Variants in NAALADL2 observed in about 807,000 individuals in gnomAD.
NAALADL2 encodes inactive N-acetylated-alpha-linked acidic dipeptidase-like protein 2.
A neutral mutation model predicts 87.2 loss-of-function variants in NAALADL2; 76 were observed. That is an observed-to-expected ratio of 0.87 (90% CI 0.72 to 1.05). The LOEUF is 1.05. Among genes scored for constraint, NAALADL2 ranks in the 50% least tolerant of loss-of-function variants. The pLI is 0.00. For missense variants in NAALADL2, 1,089 were observed against 945.8 expected (o/e 1.15, Z -1.99); for synonymous variants, 354 against 331.0 (o/e 1.07, Z -0.75).
intron 5 of NAALADL2, among the ~76,000 whole-genome samples, chr3:175,425,459 A>G (rs1044110484): frequency 6.6e-6 from 1 of 152,158 alleles, no homozygotes; most frequent in African/African-American, 2.4e-5. Context: ...CATCATGAAA[A>G]TACAATATAT....
intron 3 of NAALADL2, among the ~76,000 whole-genome samples, chr3:174,827,173 T>G (rs1722090886): frequency 6.6e-6 from 1 of 152,196 alleles, no homozygotes; most frequent in South Asian, 2.1e-4. Flanking sequence ...TTGCAGTAAC[T>G]TTAAGTCATA....
chr3:174,625,548 C>T (rs1447160315), intron 2 of NAALADL2, among the ~76,000 whole-genome samples: 1 of 151,094 alleles, frequency 6.6e-6, no homozygotes, highest in Non-Finnish European at 1.5e-5. Flanking sequence ...TGATACAAAA[C>T]ATTTTAGTTT....
chr3:175,152,260 TCTGAGATCATAGATCTAGTTATTTGCC>T (rs1233939258), intron 2 of NAALADL2, among the ~76,000 whole-genome samples: 5 of 152,210 alleles, frequency 3.3e-5, no homozygotes, highest in Admixed American at 2.0e-4. Context: ...CCGTTGTGTT[TCTGAGATCATAGATCTAGTTATTTGCC>T]CTTGTCCCTA....
intron 11 of NAALADL2, among the ~76,000 whole-genome samples, chr3:175,666,245 G>C (rs758347358): frequency 6.6e-6 from 1 of 152,058 alleles, no homozygotes; most frequent in African/African-American, 2.4e-5. Flanking sequence ...AGACTATCTA[G>C]TATAACTTCC....
At chr3:175,083,675 C>T (rs1031729804) in intron 1 of NAALADL2, among the ~76,000 whole-genome samples, 1 of 151,862 alleles carries the variant, frequency 6.6e-6, no homozygotes, top group African/African-American at 2.4e-5. Flanking sequence ...TATCAAATGC[C>T]TTTAATTTAA....
intron 13 of NAALADL2, chr3:175,775,012 T>C (rs937581526): frequency 2.0e-5 from 3 of 151,886 alleles, no homozygotes; most frequent in Non-Finnish European, 4.4e-5. Flanking sequence ...ATAGATGATA[T>C]ACCCCATTGA....
intron 4 of NAALADL2, among the ~76,000 whole-genome samples, chr3:175,288,138 A>C (rs1755205672): frequency 6.6e-6 from 1 of 152,132 alleles, no homozygotes; most frequent in Non-Finnish European, 1.5e-5. Context: ...CTGGAGTGTA[A>C]TGGCGCAATC....
chr3:175,119,766 T>C (rs1725854733), intron 2 of NAALADL2, among the ~76,000 whole-genome samples: 1 of 140,752 alleles, frequency 7.1e-6, no homozygotes, highest in Non-Finnish European at 1.5e-5. Flanking sequence ...TATAAAACTA[T>C]ATATAGATAT....
At chr3:174,603,619 T>G (rs1302426794) in intron 2 of NAALADL2, among the ~76,000 whole-genome samples, 1 of 151,934 alleles carries the variant, frequency 6.6e-6, no homozygotes, top group Non-Finnish European at 1.5e-5. Context: ...TTCTACTAAT[T>G]TTGGGTTTGG....
intron 1 of NAALADL2, among the ~76,000 whole-genome samples, chr3:175,030,321 A>G (rs891262692): frequency 2.0e-5 from 3 of 152,126 alleles, no homozygotes; most frequent in East Asian, 3.9e-4. Flanking sequence ...AGTTGCTTAT[A>G]GACGAGTTTT....
At chr3:175,233,436 T>G (rs1156790745) in intron 2 of NAALADL2, among the ~76,000 whole-genome samples, 2 of 152,074 alleles carry the variant, frequency 1.3e-5, no homozygotes, top group African/African-American at 4.8e-5. Flanking sequence ...TTGTTTTGTT[T>G]TGTTTTATTT....
At chr3:175,789,627 A>T (rs1256631794) in intron 13 of NAALADL2, among the ~76,000 whole-genome samples, 1 of 152,176 alleles carries the variant, frequency 6.6e-6, no homozygotes, top group Non-Finnish European at 1.5e-5. Flanking sequence ...TTGTATCAAG[A>T]TGTCCAGTGC....
intron 2 of NAALADL2, among the ~76,000 whole-genome samples, chr3:175,187,058 C>A (rs929818840): frequency 6.6e-6 from 1 of 151,884 alleles, no homozygotes; most frequent in African/African-American, 2.4e-5. Flanking sequence ...TTCAGAGAGC[C>A]AGTATTTCTG....
intron 1 of NAALADL2, among the ~76,000 whole-genome samples, chr3:174,513,810 A>G (rs1033214729): frequency 6.6e-6 from 1 of 152,202 alleles, no homozygotes; most frequent in Non-Finnish European, 1.5e-5. Flanking sequence ...AGGACTAACA[A>G]AGAATTTCAC....
intron 5 of NAALADL2, among the ~76,000 whole-genome samples, chr3:175,382,253 C>G (rs912946324): frequency 2.0e-5 from 3 of 151,970 alleles, no homozygotes; most frequent in African/African-American, 4.8e-5. Flanking sequence ...GTTCATGAAA[C>G]AGTATGACAT....
intron 5 of NAALADL2, among the ~76,000 whole-genome samples, chr3:175,418,844 A>C (rs913529490): frequency 1.7e-4 from 26 of 152,122 alleles, no homozygotes; most frequent in African/African-American, 5.5e-4. Context: ...CAGGCACTCA[A>C]ATTAAATCTT....
intron 1 of NAALADL2, among the ~76,000 whole-genome samples, chr3:174,976,171 CT>C (rs914375435): frequency 1.6e-4 from 24 of 151,952 alleles, no homozygotes; most frequent in East Asian, 1.2e-3. Flanking sequence ...AAAAGAAGAA[CT>C]TTTTTTTCTG....
chr3:175,394,066 A>G (rs950971901), intron 5 of NAALADL2, among the ~76,000 whole-genome samples: 4 of 151,826 alleles, frequency 2.6e-5, no homozygotes, highest in African/African-American at 9.7e-5. Flanking sequence ...GGCATTTTTG[A>G]AGAAGTCCAA....
intron 2 of NAALADL2, chr3:174,551,124 T>G (rs1329871845): frequency 6.6e-6 from 1 of 152,156 alleles, no homozygotes; most frequent in African/African-American, 2.4e-5. Flanking sequence ...AGGTATATCT[T>G]CTAAAGCTAT....
Sources: gnomAD v4.1 joint callset for allele counts (sites outside exome capture counted in the v4.1 genomes callset) on GRCh38, gnomAD v4.1.1 for gene constraint, MANE v1.5 for transcripts, NCBI Gene and HGNC (gene_info 2026-07-23, HGNC 2026-07-21) for gene names.